The following RAP1GDS1 variants were observed in gnomAD, a reference collection of about 807,000 sequenced individuals.
The protein encoded by RAP1GDS1 is RAP1, GTP-GDP dissociation stimulator 1.
In RAP1GDS1, 35 loss-of-function variants were observed where a neutral mutation model predicts 71.1. The observed-to-expected ratio is 0.49, with a 90% CI of 0.38 to 0.65. RAP1GDS1 has a LOEUF of 0.65. Ranked by LOEUF, RAP1GDS1 falls within the 30% of genes least tolerant of loss-of-function variation. The pLI, the probability that RAP1GDS1 is intolerant of heterozygous loss-of-function variation, is 0.00. For synonymous variants in RAP1GDS1, 229 were observed against 243.1 expected (o/e 0.94, Z 0.54); for missense variants, 663 against 706.1 (o/e 0.94, Z 0.69).
chr4:98,307,737 G>A (rs1729536225), intron 2 of RAP1GDS1, among the ~76,000 whole-genome samples: 1 of 152,002 alleles, frequency 6.6e-6, no homozygotes, highest in African/African-American at 2.4e-5. Flanking sequence ...GCCACCTTCT[G>A]TTCTTCATTA....
chr4:98,411,948 A>G (rs1417230217), intron 7 of RAP1GDS1, among the ~76,000 whole-genome samples: 1 of 152,224 alleles, frequency 6.6e-6, no homozygotes, highest in Admixed American at 6.5e-5. Context: ...AGCATGGCAC[A>G]GTACAAGTGT....
At chr4:98,261,734 CG>C in intron 1 of RAP1GDS1, 165 bp downstream of exon 1, 1 of 917,088 alleles carries the variant, frequency 1.1e-6, no homozygotes, top group South Asian at 1.9e-5. Flanking sequence ...GAACGCACGC[CG>C]GGTGCCGGGG....
chr4:98,312,444 A>G (rs912621105), intron 2 of RAP1GDS1, among the ~76,000 whole-genome samples: 1 of 152,160 alleles, frequency 6.6e-6, no homozygotes, highest in Non-Finnish European at 1.5e-5. Context: ...TCTCCCTAAC[A>G]AATCCTCTGT....
intron 3 of RAP1GDS1, among the ~76,000 whole-genome samples, chr4:98,347,327 G>A (rs770201821): frequency 2.6e-5 from 4 of 151,880 alleles, no homozygotes; most frequent in Non-Finnish European, 5.9e-5. Flanking sequence ...AAAGTAAAGC[G>A]TTAACACTCT....
chr4:98,310,531 A>T (rs1237177560), intron 2 of RAP1GDS1, among the ~76,000 whole-genome samples: 1 of 152,180 alleles, frequency 6.6e-6, no homozygotes, highest in Non-Finnish European at 1.5e-5. Context: ...AAAAGTTCAA[A>T]TCTTTGATTT....
At chr4:98,377,061 G>A (rs1327429988) in intron 4 of RAP1GDS1, among the ~76,000 whole-genome samples, 2 of 151,928 alleles carry the variant, frequency 1.3e-5, no homozygotes, top group African/African-American at 4.8e-5. Flanking sequence ...GTGCCACATA[G>A]TTTCTAAGCC....
At chr4:98,384,299 G>T (rs1742421356) in intron 5 of RAP1GDS1, among the ~76,000 whole-genome samples, 1 of 151,482 alleles carries the variant, frequency 6.6e-6, no homozygotes, top group Admixed American at 6.6e-5. Flanking sequence ...AAGACTTATT[G>T]GGCAGCTGAA....
rs1364610529 is a variant in RAP1GDS1, at chr4:98,443,019, T to TTTTTTC, written c.*907_*908insCTTTTT. The TTTTTTC allele has an allele frequency of 8.1e-4, 154 of 191,042 alleles. 2 individuals carry two copies. The highest frequency in any genetic ancestry group is 1.8e-3 in the African/African-American group (55 of 30,984). The allele number at this position is 191,042 out of a possible 1,614,324, so 11.8% of individuals were successfully genotyped here. On this transcript the variant is annotated 3_prime_UTR_variant, in exon 15 of 15. Transcript: ENST00000408927. ...TATAGTTCATTGAAGAATGGAATTTTTTTTTTTTTTTTTTTTTTTGCTGTT... is the reference window on the plus strand; with the variant it reads ...TATAGTTCATTGAAGAATGGAATTTTTTTTTCTTTTTTTTTTTTTTTTTTTGCTGTT...
chr4:98,323,532 T>C (rs940747572), intron 2 of RAP1GDS1, among the ~76,000 whole-genome samples: 1 of 142,610 alleles, frequency 7.0e-6, no homozygotes, highest in Non-Finnish European at 1.5e-5. Flanking sequence ...AATAAAATAC[T>C]GGCAAACCGA....
At chr4:98,407,581 A>T (rs1746319537) in intron 7 of RAP1GDS1, among the ~76,000 whole-genome samples, 1 of 152,150 alleles carries the variant, frequency 6.6e-6, no homozygotes, top group Admixed American at 6.5e-5. Flanking sequence ...TTCTAAGTGA[A>T]GTAACCAAAT....
chr4:98,369,095 C>G (rs943102509), intron 4 of RAP1GDS1, among the ~76,000 whole-genome samples: 1 of 152,092 alleles, frequency 6.6e-6, no homozygotes, highest in African/African-American at 2.4e-5. Flanking sequence ...GGGAACTGCC[C>G]TTTATAAAAC....
At chr4:98,370,238 T>A (rs1224547052) in intron 4 of RAP1GDS1, among the ~76,000 whole-genome samples, 2 of 152,170 alleles carry the variant, frequency 1.3e-5, no homozygotes, top group Non-Finnish European at 2.9e-5. Flanking sequence ...GATTTTGAGA[T>A]ATATTGATGA....
intron 4 of RAP1GDS1, among the ~76,000 whole-genome samples, chr4:98,369,013 G>T (rs568816399): frequency 1.3e-5 from 2 of 152,298 alleles, no homozygotes; most frequent in African/African-American, 4.8e-5. Flanking sequence ...GACTGGGAAG[G>T]TCTCACAATC....
chr4:98,406,103 A>G (rs1172378677), intron 7 of RAP1GDS1, among the ~76,000 whole-genome samples: 4 of 152,042 alleles, frequency 2.6e-5, no homozygotes, highest in African/African-American at 9.7e-5. Flanking sequence ...ACTTATGGAA[A>G]GGTTTTTTAA....
chr4:98,301,346 C>G (rs1178446428), intron 2 of RAP1GDS1, among the ~76,000 whole-genome samples: 1 of 152,064 alleles, frequency 6.6e-6, no homozygotes. Flanking sequence ...AGATTCTCAA[C>G]TAAAGTGTCA....
chr4:98,386,768 A>G (rs934985000), intron 5 of RAP1GDS1, among the ~76,000 whole-genome samples: 2 of 152,032 alleles, frequency 1.3e-5, no homozygotes, highest in Non-Finnish European at 2.9e-5. Context: ...CTTTATAAAC[A>G]TTTGAGTATA....
rs1198545690 is a variant in RAP1GDS1 at position 98,402,014 on chromosome 4, C to G, written c.638-2463C>G. On this transcript the variant is annotated intron_variant, in intron 6 of 14. Coordinates refer to ENST00000408927, the MANE Select transcript of RAP1GDS1 (RefSeq NM_001100427.2). Reference sequence around the variant, plus strand: ...AAATCCATCTCACTTGGACAATTCTCTGAAGCAGAGGGATAACCAACAAAG... The same window carrying G: ...AAATCCATCTCACTTGGACAATTCTGTGAAGCAGAGGGATAACCAACAAAG... Among the ~76,000 whole-genome samples the G allele has an allele frequency of 2.0e-5, 3 of 152,292 alleles. 1 individual carries two copies. Among genetic ancestry groups the G allele is most frequent in the Middle Eastern group, 6.8e-3 (2 of 294 alleles).
chr4:98,281,569 C>T (rs1180955273), intron 1 of RAP1GDS1, among the ~76,000 whole-genome samples: 1 of 152,152 alleles, frequency 6.6e-6, no homozygotes, highest in Non-Finnish European at 1.5e-5. Flanking sequence ...GACAATTTGA[C>T]TTCCTCTTTT....
intron 13 of RAP1GDS1, 78 bp downstream of exon 13, chr4:98,434,140 C>G: frequency 5.2e-6 from 8 of 1,525,048 alleles, no homozygotes; most frequent in African/African-American, 1.4e-5. Flanking sequence ...GAGTTGAAGT[C>G]AGACAGAACC....
Sources: allele counts gnomAD v4.1 joint callset (sites outside exome capture counted in the v4.1 genomes callset), GRCh38; gene constraint gnomAD v4.1.1; transcripts MANE v1.5; gene names NCBI Gene and HGNC (gene_info 2026-07-23, HGNC 2026-07-21).